The following BCAS3 variants were observed in gnomAD, a reference collection of about 807,000 sequenced individuals.
BCAS3 encodes BCAS4/BCAS3 fusion.
A neutral mutation model predicts 116.1 loss-of-function variants in BCAS3; 53 were observed. That is an observed-to-expected ratio of 0.46 (90% CI 0.37 to 0.57). The LOEUF is 0.57. Ranked by LOEUF, BCAS3 falls within the 20% of genes least tolerant of loss-of-function variation. The pLI, the probability that BCAS3 is intolerant of heterozygous loss-of-function variation, is 0.00. For synonymous variants in BCAS3, 391 were observed against 408.2 expected (o/e 0.96, Z 0.51); for missense variants, 917 against 1,165.4 (o/e 0.79, Z 3.10).
At chr17:60,720,761 G>A (rs1353605624) in intron 5 of BCAS3, among the ~76,000 whole-genome samples, 3 of 152,210 alleles carry the variant, frequency 2.0e-5, no homozygotes, top group Admixed American at 2.0e-4. Context: ...CATAGGTTAT[G>A]TGCAGATACC....
At chr17:60,745,545 T>C (rs1445871828) in intron 5 of BCAS3, among the ~76,000 whole-genome samples, 1 of 152,110 alleles carries the variant, frequency 6.6e-6, no homozygotes, top group Non-Finnish European at 1.5e-5. Context: ...GTTGAACAAA[T>C]AACCTTTGAA....
At chr17:60,679,573 AG>A (rs1441216265) in intron 2 of BCAS3, 33 bp downstream of exon 2, 4 of 1,521,234 alleles carry the variant, frequency 2.6e-6, no homozygotes, top group Non-Finnish European at 3.6e-6. Context: ...CAATAGCTGA[AG>A]AAAAGATTAC....
chr17:60,867,525 T>A (rs553026799), intron 7 of BCAS3, among the ~76,000 whole-genome samples: 42 of 152,332 alleles, frequency 2.8e-4, no homozygotes, highest in African/African-American at 9.1e-4. Context: ...ATATGATTTT[T>A]AAAAAAATTT....
At chr17:60,734,468 A>T (rs1222654517) in intron 5 of BCAS3, among the ~76,000 whole-genome samples, 1 of 152,138 alleles carries the variant, frequency 6.6e-6, no homozygotes, top group Non-Finnish European at 1.5e-5. Context: ...TTCGTGTTTC[A>T]CATTTAGGTC....
intron 13 of BCAS3, among the ~76,000 whole-genome samples, chr17:60,932,407 T>G (rs2059695300): frequency 6.6e-6 from 1 of 152,206 alleles, no homozygotes; most frequent in Non-Finnish European, 1.5e-5. Flanking sequence ...TGTTATTCAT[T>G]TGTTGAATAA....
At chr17:60,919,875 C>T (rs544067482) in intron 12 of BCAS3, among the ~76,000 whole-genome samples, 1 of 151,908 alleles carries the variant, frequency 6.6e-6, no homozygotes. Flanking sequence ...AGAAATTACT[C>T]AGAAAAAGTA....
Position 61,186,954 on chromosome 17 carries a change from C to G in BCAS3, c.2425+102390C>G, listed in dbSNP as rs569349859. Reference sequence around the variant, plus strand: ...CTCGATCTCCTGACCTCGTGATCCACCCACCTCGGCCTCCCAAAGTGCTGG... The same window carrying G: ...CTCGATCTCCTGACCTCGTGATCCAGCCACCTCGGCCTCCCAAAGTGCTGG... On this transcript the variant is annotated intron_variant, in intron 22 of 23. Coordinates refer to ENST00000407086, the MANE Select transcript of BCAS3 (RefSeq NM_017679.5). This position sits in a 1 kb window ranked among gnomAD's most constrained non-coding sequence, Gnocchi z 4.9. Among the ~76,000 whole-genome samples, 2 of 152,340 alleles carry G rather than the reference C, an allele frequency of 1.3e-5. No individual in the cohort carries two copies. The highest frequency in any genetic ancestry group is 3.9e-4 in the East Asian group (2 of 5,194).
Position 61,140,613 on chromosome 17 carries a change from T to A in BCAS3, c.2425+56049T>A. ...TTTTTTTTTTCTGGAGAAACAGCAC[T>A]CTGGCATTTGGCCATCTTAGTATGG... On this transcript the variant is annotated intron_variant, in intron 22 of 23. Coordinates refer to ENST00000407086, the MANE Select transcript of BCAS3 (RefSeq NM_017679.5). This position sits in a 1 kb window ranked among gnomAD's most constrained non-coding sequence, Gnocchi z 4.2. 6.6e-6 allele frequency among the ~76,000 whole-genome samples: 1 copy of A among 151,948 alleles called. No homozygotes were observed. The highest frequency in any genetic ancestry group is 1.5e-5 in the Non-Finnish European group (1 of 67,978).
chr17:60,900,554 T>C (rs2057818959), intron 10 of BCAS3, among the ~76,000 whole-genome samples: 1 of 152,224 alleles, frequency 6.6e-6, no homozygotes, highest in African/African-American at 2.4e-5. Flanking sequence ...TCCAGTGTTT[T>C]ACCTTGGACA....
chr17:61,169,966 T>C (rs11079419), intron 22 of BCAS3, among the ~76,000 whole-genome samples: 108,735 of 151,770 alleles, frequency 0.72, 39,947 homozygotes, highest in South Asian at 0.85. Context: ...GCAATTCTTG[T>C]GCCTCAGCCT....
At chr17:60,890,217 G>A (rs1353823977) in intron 10 of BCAS3, among the ~76,000 whole-genome samples, 1 of 152,232 alleles carries the variant, frequency 6.6e-6, no homozygotes, top group Non-Finnish European at 1.5e-5. Flanking sequence ...ACTTTGGGAG[G>A]CTGAGGCAGG....
rs1274269866 is a variant in BCAS3 at position 61,104,210 on chromosome 17, C to T, written c.2425+19646C>T. ...TGGGCTTGATGTCCTCTCTCCCATT[C>T]CACCTCCCCACCCACAGACTCATGT... On this transcript the variant is annotated intron_variant, in intron 22 of 23. Coordinates refer to ENST00000407086, the MANE Select transcript of BCAS3 (RefSeq NM_017679.5). The surrounding 1 kb of genome is among the most constrained non-coding windows in gnomAD (Gnocchi z 4.1). Among the ~76,000 whole-genome samples, 2 of 152,144 alleles carry T rather than the reference C, an allele frequency of 1.3e-5. No homozygotes were observed. The highest frequency in any genetic ancestry group is 2.9e-5 in the Non-Finnish European group (2 of 68,034).
intron 5 of BCAS3, among the ~76,000 whole-genome samples, chr17:60,716,895 A>G (rs909779998): frequency 6.6e-6 from 1 of 152,186 alleles, no homozygotes; most frequent in Non-Finnish European, 1.5e-5. Context: ...TTAATTGTCT[A>G]TTACATGCCA....
chr17:60,698,881 C>CTGG (rs2035998506), intron 4 of BCAS3, among the ~76,000 whole-genome samples: 1 of 152,076 alleles, frequency 6.6e-6, no homozygotes, highest in Non-Finnish European at 1.5e-5. Context: ...CATGGTGAAA[C>CTGG]CCCATCTTTA....
In BCAS3 at chr17:61,256,210, T is replaced by C. The variant is rs1273609105; in HGVS notation, c.2426-112117T>C. On this transcript the variant is annotated intron_variant, in intron 22 of 23. Transcript: ENST00000407086. The surrounding 1 kb of genome is among the most constrained non-coding windows in gnomAD (Gnocchi z 5.6). Reference sequence around the variant, plus strand: ...CTCACTTAGATCAGACTACCTGGGGTTGTCAAGCCTTCCATCTTCAAGCCA... The same window carrying C: ...CTCACTTAGATCAGACTACCTGGGGCTGTCAAGCCTTCCATCTTCAAGCCA... Among the ~76,000 whole-genome samples the C allele has an allele frequency of 6.6e-6, 1 of 152,216 alleles. No homozygotes were observed. Among genetic ancestry groups the C allele is most frequent in the Non-Finnish European group, 1.5e-5 (1 of 68,030 alleles).
intron 5 of BCAS3, among the ~76,000 whole-genome samples, chr17:60,713,608 A>G (rs1477933202): frequency 6.6e-6 from 1 of 152,210 alleles, no homozygotes; most frequent in African/African-American, 2.4e-5. Context: ...TATTTCCTAA[A>G]CAATGCAGTA....
At chr17:61,263,056 C>T (rs1023979636) in intron 22 of BCAS3, among the ~76,000 whole-genome samples, 1 of 152,190 alleles carries the variant, frequency 6.6e-6, no homozygotes, top group Non-Finnish European at 1.5e-5. Context: ...AAATGAAATT[C>T]AGATGAACAT....
intron 12 of BCAS3, among the ~76,000 whole-genome samples, chr17:60,917,734 A>G (rs1410800810): frequency 6.6e-6 from 1 of 152,022 alleles, no homozygotes; most frequent in Non-Finnish European, 1.5e-5. Context: ...GCTGGATTAC[A>G]GGCATCTGCC....
intron 16 of BCAS3, among the ~76,000 whole-genome samples, chr17:61,033,135 G>A (rs2066766610): frequency 6.6e-6 from 1 of 152,192 alleles, no homozygotes; most frequent in Non-Finnish European, 1.5e-5. Flanking sequence ...AGAAAAGTTA[G>A]TATTTGCTGA....
Sources: gnomAD v4.1 joint callset for allele counts (sites outside exome capture counted in the v4.1 genomes callset) on GRCh38, gnomAD v4.1.1 for gene constraint, Gnocchi (gnomAD v3.1) non-coding constraint, MANE v1.5 for transcripts, NCBI Gene and HGNC (gene_info 2026-07-23, HGNC 2026-07-21) for gene names.